The following CHST7 variants were observed in gnomAD, a reference collection of about 807,000 sequenced individuals.
CHST7 encodes carbohydrate sulfotransferase 7.
CHST7 carries 5 observed loss-of-function variants against 9.0 expected under a neutral mutation model. The ratio of observed to expected loss-of-function variants is 0.56; its 90% CI spans 0.29 to 1.17. The LOEUF is 1.17. CHST7 is among the 50% of genes most tolerant of loss of function. CHST7 has a pLI of 0.08. For missense variants in CHST7, 377 were observed against 485.1 expected (o/e 0.78, Z 2.09); for synonymous variants, 244 against 237.1 (o/e 1.03, Z -0.27).
intron 1 of CHST7, among the ~76,000 whole-genome samples, chrX:46,582,776 T>C (rs1203441498): frequency 9.0e-6 from 1 of 111,405 alleles, no homozygotes; most frequent in African/African-American, 3.3e-5. Context: ...GACTCGAGCA[T>C]AAACAATTTG....
intron 1 of CHST7, among the ~76,000 whole-genome samples, chrX:46,589,787 A>T (rs975862368): frequency 1.8e-5 from 2 of 111,543 alleles, no homozygotes; most frequent in African/African-American, 6.5e-5. Flanking sequence ...TCCTTGACAT[A>T]GTTCAGGGAC....
chrX:46,574,165 C>T lies in CHST7; in HGVS notation c.234C>T (p.Gly78=). The T allele has an allele frequency of 8.5e-7, 1 of 1,177,451 alleles. No homozygotes were observed. The highest frequency in any genetic ancestry group is 1.1e-6 in the Non-Finnish European group (1 of 877,485). ...AGGCGCGGGCCGCCGAGGAAGGGGG[C>T]GCGAACCAGTCTCCTCGGTTCCCAA... ...GAEARAAEEG[G]ANQSPRFPSN... Residue 78 remains glycine, a synonymous_variant, in exon 1 of 2, where the codon GGC becomes GGT. Transcript: ENST00000276055.
At chrX:46,594,675 T>C (rs1942585944) in intron 1 of CHST7, among the ~76,000 whole-genome samples, 1 of 111,987 alleles carries the variant, frequency 8.9e-6, no homozygotes, top group Non-Finnish European at 1.9e-5. Context: ...GTCATTTCTC[T>C]CTAGTTGCCT....
Position 46,574,303 on chromosome X carries a change from C to T in CHST7, c.372C>T (p.His124=), listed in dbSNP as rs1942484163. The T allele has an allele frequency of 8.3e-7, 1 of 1,211,606 alleles. No individual in the cohort carries two copies. The highest frequency in any genetic ancestry group is 1.1e-6 in the Non-Finnish European group (1 of 895,259). Reference sequence around the variant, plus strand: ...TCCTGGGCGAACTCTTTAACCAGCACCCGGACGTTTTCTACTTGTATGAGC... The same window carrying T: ...TCCTGGGCGAACTCTTTAACCAGCATCCGGACGTTTTCTACTTGTATGAGC... ...SSFLGELFNQ[H]PDVFYLYEPM... Residue 124 remains histidine (H), a synonymous_variant, in exon 1 of 2, where the codon CAC becomes CAT. Coordinates refer to ENST00000276055, the MANE Select transcript of CHST7 (RefSeq NM_019886.4).
chrX:46,582,885 A>C (rs1473216134), intron 1 of CHST7, among the ~76,000 whole-genome samples: 1 of 110,357 alleles, frequency 9.1e-6, no homozygotes, highest in African/African-American at 3.3e-5. Flanking sequence ...TGGTCTCAGC[A>C]GGGGAAGGGC....
Position 46,575,048 on chromosome X carries a change from C to G in CHST7, c.1117C>G (p.Leu373Val). The change falls in exon 1 of 2, where the codon CTG (leucine) becomes GTG (valine). Residue 373 changes from leucine (L) to valine (V), a missense_variant. Physicochemically the swap from Leu to Val is conservative, Grantham distance 32. Coordinates refer to ENST00000276055, the MANE Select transcript of CHST7 (RefSeq NM_019886.4). Reference protein sequence around the residue: ...PAWLRRRYLRLRYEDLVRQPR... With the variant: ...PAWLRRRYLRVRYEDLVRQPR... ...CTGGCTGCGGCGCCGCTACCTGAGG[C>G]TGCGCTATGAGGACCTGGTGCGGCA... The G allele has an allele frequency of 1.8e-6, 2 of 1,135,097 alleles. No homozygotes were observed. Among genetic ancestry groups the G allele is most frequent in the South Asian group, 4.1e-5 (2 of 49,102 alleles). 93.5% of individuals were successfully genotyped at this position (1,135,097 alleles called of 1,213,427 possible).
At chrX:46,591,000 G>A (rs1408630803) in intron 1 of CHST7, among the ~76,000 whole-genome samples, 1 of 112,408 alleles carries the variant, frequency 8.9e-6, no homozygotes, top group African/African-American at 3.2e-5. Flanking sequence ...GATTCATCCA[G>A]GTTGTCTTGT....
intron 1 of CHST7, among the ~76,000 whole-genome samples, chrX:46,594,337 G>C (rs974737553): frequency 1.8e-5 from 2 of 110,599 alleles, no homozygotes; most frequent in African/African-American, 6.6e-5. Context: ...AGACCAGCCT[G>C]GCCAACGTGG....
chrX:46,575,122 G>A lies in CHST7; in HGVS notation c.1191G>A (p.Ala397=), dbSNP rs1164253375. ...RRLLRFSGLR[A]LAALDAFALN... is the part of the protein sequence containing the mutation. ...TGCTGCGCTTCTCCGGGCTACGCGCGCTCGCAGCGCTCGATGCCTTCGCGC... is the reference window on the plus strand; with the variant it reads ...TGCTGCGCTTCTCCGGGCTACGCGCACTCGCAGCGCTCGATGCCTTCGCGC... The change falls in exon 1 of 2, where the codon GCG becomes GCA. Residue 397 remains alanine (A), a synonymous_variant. Transcript: ENST00000276055. 9 of 1,100,359 alleles carry A rather than the reference G, an allele frequency of 8.2e-6. No homozygotes were observed. Among genetic ancestry groups the A allele is most frequent in the Non-Finnish European group, 1.1e-5 (9 of 849,913 alleles). 90.7% of individuals were successfully genotyped at this position (1,100,359 alleles called of 1,213,427 possible).
intron 1 of CHST7, among the ~76,000 whole-genome samples, chrX:46,585,370 A>G (rs1352050292): frequency 2.0e-5 from 2 of 102,263 alleles, no homozygotes; most frequent in East Asian, 6.0e-4. Flanking sequence ...GCTCACTGCA[A>G]CCTCCGCCTC....
intron 1 of CHST7, among the ~76,000 whole-genome samples, chrX:46,589,331 C>T (rs1358074223): frequency 9.0e-6 from 1 of 111,268 alleles, no homozygotes; most frequent in Non-Finnish European, 1.9e-5. Context: ...GGGCAGATCA[C>T]CTGAGGTCAA....
rs774811144 is a variant in CHST7, at chrX:46,574,453, G to A, written c.522G>A (p.Pro174=). 8.3e-7 allele frequency: 1 copy of A among 1,205,175 alleles called. No individual in the cohort carries two copies. Among genetic ancestry groups the A allele is most frequent in the African/African-American group, 1.7e-5 (1 of 57,198 alleles). The change falls in exon 1 of 2, where the codon CCG becomes CCA. Residue 174 remains proline, a synonymous_variant. Coordinates refer to ENST00000276055, the MANE Select transcript of CHST7 (RefSeq NM_019886.4). ...DFSVLRLYAP[P]GDPAARAPDT... ...CCGTGCTGCGGCTGTACGCGCCGCC[G>A]GGGGACCCCGCTGCGCGCGCCCCGG...
At position 46,574,951 on chromosome X, in the gene CHST7, C is replaced by A; in HGVS notation, c.1020C>A (p.Phe340Leu). Residue 340 changes from phenylalanine (F) to leucine (L), a missense_variant, in exon 1 of 2, where the codon TTC (phenylalanine) becomes TTA (leucine). Phe to Leu is a conservative substitution (Grantham distance 22). This residue lies in a region of CHST7 where 130 missense variants were observed against 134.9 expected (regional missense o/e 0.96). Transcript: ENST00000276055. ...ALPAAPRADF[F>L]LTGALEVICE... Reference sequence around the variant, plus strand: ...CCGCCGCGCCGCGCGCCGATTTCTTCCTGACCGGTGCGCTCGAGGTGATCT... The same window carrying A: ...CCGCCGCGCCGCGCGCCGATTTCTTACTGACCGGTGCGCTCGAGGTGATCT... 8.6e-7 allele frequency: 1 copy of A among 1,159,055 alleles called. No homozygotes were observed. The highest frequency in any genetic ancestry group is 1.9e-5 in the South Asian group (1 of 51,858).
Position 46,598,391 on chromosome X carries a change from G to A in CHST7, c.*663G>A, listed in dbSNP as rs1446048102. On this transcript the variant is annotated 3_prime_UTR_variant, in exon 2 of 2. Transcript: ENST00000276055. ...AATCATACTATTAAATGACTCTGGA[G>A]TCATGTTAATGACAGGATTTGTTTT... 8.9e-6 allele frequency: 1 copy of A among 112,453 alleles called. No homozygotes were observed. The highest frequency in any genetic ancestry group is 1.9e-5 in the Non-Finnish European group (1 of 53,333). The allele number at this position is 112,453 out of a possible 1,213,427, so 9.3% of individuals were successfully genotyped here. A position where few individuals can be genotyped will look rare whatever the true frequency, so the allele number is the denominator to read the frequency against.
intron 1 of CHST7, among the ~76,000 whole-genome samples, chrX:46,593,315 T>C (rs1236815414): frequency 8.9e-6 from 1 of 112,120 alleles, no homozygotes; most frequent in African/African-American, 3.2e-5. Context: ...CTTCTTTCTG[T>C]TCTTTCAGTT....
intron 1 of CHST7, among the ~76,000 whole-genome samples, chrX:46,576,617 G>A (rs1942500741): frequency 9.0e-6 from 1 of 111,287 alleles, no homozygotes; most frequent in Admixed American, 9.6e-5. Context: ...CAAACTTTAT[G>A]TGAGTTGGAA....
rs760456129 is a variant in CHST7 at position 46,598,347 on chromosome X, T to TTCTA, written c.*622_*623insATCT. 94 of 112,116 alleles carry TTCTA rather than the reference T, an allele frequency of 8.4e-4. 3 individuals are homozygous for TTCTA. The East Asian group carries it at 0.011, about 13-fold the overall frequency. 9.2% of individuals were successfully genotyped at this position (112,116 alleles called of 1,213,427 possible). ...GAAACACACTTTTACTTTAAAATTT[T>TTCTA]TCTGTCTGGCGTTTTTGTAATCATA... On this transcript the variant is annotated 3_prime_UTR_variant, in exon 2 of 2. Coordinates refer to ENST00000276055, the MANE Select transcript of CHST7 (RefSeq NM_019886.4).
Position 46,574,425 on chromosome X carries a change from TCTC to T in CHST7, c.496_498del (p.Ser166del). On this transcript the variant is annotated inframe_deletion, in exon 1 of 2. Transcript: ENST00000276055. ...CTGCGTTCGCTCTTCCGCTGCGACT[TCTC>T]CGTGCTGCGGCTGTACGCGCCGCCG... The T allele has an allele frequency of 8.3e-7, 1 of 1,207,522 alleles. No homozygotes were observed.
intron 1 of CHST7, among the ~76,000 whole-genome samples, chrX:46,581,061 C>T (rs1332640045): frequency 9.2e-6 from 1 of 108,411 alleles, no homozygotes; most frequent in Non-Finnish European, 1.9e-5. Flanking sequence ...ATAGTGAAAC[C>T]CCATCTCTAC....
Sources: allele counts gnomAD v4.1 joint callset (sites outside exome capture counted in the v4.1 genomes callset), GRCh38; gene constraint gnomAD v4.1.1; regional missense constraint gnomAD v4.1.1; transcripts MANE v1.5; gene names NCBI Gene and HGNC (gene_info 2026-07-23, HGNC 2026-07-21).